GABRG3: variants seen among roughly 807,000 people sequenced by gnomAD.
The protein encoded by GABRG3 is gamma-aminobutyric acid receptor subunit gamma-3.
GABRG3 carries 25 observed loss-of-function variants against 48.8 expected under a neutral mutation model. The observed-to-expected ratio is 0.51, with a 90% CI of 0.37 to 0.72. The LOEUF (loss-of-function observed/expected upper bound fraction) is 0.72. GABRG3 is among the 30% of genes least tolerant of loss of function. The pLI is 0.00. For synonymous variants in GABRG3, 227 were observed against 217.6 expected (o/e 1.04, Z -0.38); for missense variants, 394 against 577.9 (o/e 0.68, Z 3.26).
intron 3 of GABRG3, among the ~76,000 whole-genome samples, chr15:27,172,573 C>A (rs1466044852): frequency 6.6e-6 from 1 of 152,142 alleles, no homozygotes; most frequent in Admixed American, 6.5e-5. Flanking sequence ...ACTGGCTGTT[C>A]GGCACTCAGA....
In GABRG3 at chr15:27,537,896, G is replaced by A. The variant is rs1284050924; in HGVS notation, c.*5015G>A. 6.6e-6 allele frequency: 1 copy of A among 151,546 alleles called. No homozygotes were observed. Among genetic ancestry groups the A allele is most frequent in the African/African-American group, 2.4e-5 (1 of 41,260 alleles). The allele number at this position is 151,546 out of a possible 1,614,324, so 9.4% of individuals were successfully genotyped here. On this transcript the variant is annotated 3_prime_UTR_variant, in exon 10 of 10. Coordinates refer to ENST00000615808, the MANE Select transcript of GABRG3 (RefSeq NM_033223.5). ...CTCTTGTTGCCCAGGCTGGAGTGCA[G>A]TGGCGCCATCTCGGCTCACTGCAAC...
At chr15:27,255,957 G>A (rs1180650200) in intron 3 of GABRG3, among the ~76,000 whole-genome samples, 3 of 152,298 alleles carry the variant, frequency 2.0e-5, no homozygotes, top group African/African-American at 4.8e-5. Context: ...CTCCACCAAA[G>A]ATGTTCACTT....
chr15:27,434,554 C>T (rs1189490702), intron 5 of GABRG3, among the ~76,000 whole-genome samples: 1 of 151,984 alleles, frequency 6.6e-6, no homozygotes, highest in Non-Finnish European at 1.5e-5. Flanking sequence ...ATCCAGAATG[C>T]AGAAATAATC....
At position 27,050,093 on chromosome 15, in the gene GABRG3, A is replaced by G. The variant is rs929618482; in HGVS notation, c.270+23272A>G. On this transcript the variant is annotated intron_variant, in intron 3 of 9. Coordinates refer to ENST00000615808, the MANE Select transcript of GABRG3 (RefSeq NM_033223.5). ...GGTAGAGGAAGAAGATTTAAATTTA[A>G]TCTCTGGTACATCCCGTTCTGATAC... is the stretch of plus-strand genomic sequence containing the variant. Among the ~76,000 whole-genome samples the G allele has an allele frequency of 4.6e-5, 7 of 152,190 alleles. 1 individual carries two copies. The South Asian group carries it at 1.5e-3, about 32-fold the overall frequency.
chr15:27,430,551 A>C (rs1003462036), intron 5 of GABRG3, among the ~76,000 whole-genome samples: 10 of 152,124 alleles, frequency 6.6e-5, no homozygotes, highest in African/African-American at 1.9e-4. Context: ...TAGGCATATG[A>C]TCCATTTTGA....
At chr15:27,446,174 C>T (rs1888939309) in intron 5 of GABRG3, among the ~76,000 whole-genome samples, 1 of 152,170 alleles carries the variant, frequency 6.6e-6, no homozygotes, top group Non-Finnish European at 1.5e-5. Context: ...TCCATGTCTA[C>T]ACAAGAGTCA....
chr15:27,030,897 T>C (rs935637607), intron 3 of GABRG3, among the ~76,000 whole-genome samples: 7 of 152,182 alleles, frequency 4.6e-5, no homozygotes, highest in African/African-American at 1.7e-4. Flanking sequence ...TGTACATACC[T>C]GTAGGGCCAC....
chr15:27,531,686 G>T (rs78061133), intron 9 of GABRG3, among the ~76,000 whole-genome samples: 1 of 152,170 alleles, frequency 6.6e-6, no homozygotes, highest in Admixed American at 6.5e-5. Flanking sequence ...ATTTAGAAAC[G>T]TATCCCCTTA....
intron 3 of GABRG3, among the ~76,000 whole-genome samples, chr15:27,193,705 G>A (rs1439062725): frequency 6.6e-6 from 1 of 152,122 alleles, no homozygotes; most frequent in Non-Finnish European, 1.5e-5. Flanking sequence ...GCTTCGGCTT[G>A]TGCACGGTGC....
chr15:27,196,160 G>A (rs1888490651), intron 3 of GABRG3, among the ~76,000 whole-genome samples: 1 of 152,142 alleles, frequency 6.6e-6, no homozygotes, highest in African/African-American at 2.4e-5. Context: ...GAGTCCAGTG[G>A]CATTTCAGCT....
At chr15:27,136,772 C>G (rs1012580675) in intron 3 of GABRG3, among the ~76,000 whole-genome samples, 13 of 152,144 alleles carry the variant, frequency 8.5e-5, no homozygotes, top group Admixed American at 4.6e-4. Flanking sequence ...TCATCCAACT[C>G]AAGGGGTAAG....
intron 3 of GABRG3, among the ~76,000 whole-genome samples, chr15:27,120,652 G>C (rs1481564577): frequency 6.6e-6 from 1 of 152,074 alleles, no homozygotes; most frequent in Non-Finnish European, 1.5e-5. Context: ...CCTGGACTGG[G>C]CTCCTAGTAA....
At chr15:27,131,310 T>C (rs2140382925) in intron 3 of GABRG3, among the ~76,000 whole-genome samples, 1 of 152,260 alleles carries the variant, frequency 6.6e-6, no homozygotes, top group African/African-American at 2.4e-5. Context: ...TTTTTTTTCT[T>C]CATTCTGTTA....
intron 4 of GABRG3, among the ~76,000 whole-genome samples, chr15:27,327,511 A>T (rs1024977581): frequency 6.6e-6 from 1 of 152,160 alleles, no homozygotes; most frequent in African/African-American, 2.4e-5. Flanking sequence ...AGCTTCCAAG[A>T]AGGGAACTGA....
intron 5 of GABRG3, among the ~76,000 whole-genome samples, chr15:27,445,850 T>C (rs1199501337): frequency 6.6e-6 from 1 of 152,220 alleles, no homozygotes; most frequent in Non-Finnish European, 1.5e-5. Context: ...AATTTCATTC[T>C]TTTTAGCATG....
At chr15:27,181,648 A>G (rs1055137725) in intron 3 of GABRG3, among the ~76,000 whole-genome samples, 5 of 152,184 alleles carry the variant, frequency 3.3e-5, no homozygotes, top group African/African-American at 9.7e-5. Context: ...TTTCTGTTAT[A>G]TATCTATGGC....
At chr15:26,981,753 G>T (rs971801135) in intron 2 of GABRG3, among the ~76,000 whole-genome samples, 2 of 152,170 alleles carry the variant, frequency 1.3e-5, no homozygotes, top group Non-Finnish European at 2.9e-5. Context: ...ACCGTGGCTT[G>T]CTTCTTCTCC....
intron 3 of GABRG3, among the ~76,000 whole-genome samples, chr15:27,270,617 A>G (rs1321436914): frequency 6.6e-6 from 1 of 152,172 alleles, no homozygotes; most frequent in Non-Finnish European, 1.5e-5. Flanking sequence ...AGGTTGTTCC[A>G]CGGGTACAAA....
intron 3 of GABRG3, among the ~76,000 whole-genome samples, chr15:27,057,063 G>T (rs1366025253): frequency 6.6e-6 from 1 of 152,158 alleles, no homozygotes; most frequent in East Asian, 1.9e-4. Context: ...CATGTCCATT[G>T]TCCAGGTGGA....
Sources: allele counts gnomAD v4.1 joint callset (sites outside exome capture counted in the v4.1 genomes callset), GRCh38; gene constraint gnomAD v4.1.1; transcripts MANE v1.5; gene names NCBI Gene and HGNC (gene_info 2026-07-23, HGNC 2026-07-21).